Variants in AUTS2 observed in about 807,000 individuals in gnomAD.
AUTS2 encodes autism susceptibility gene 2 protein.
In AUTS2, 17 loss-of-function variants were observed where a neutral mutation model predicts 112.4. The observed-to-expected ratio is 0.15, with a 90% CI of 0.10 to 0.23. The LOEUF (loss-of-function observed/expected upper bound fraction) is 0.23. Among genes scored for constraint, AUTS2 ranks in the 10% least tolerant of loss-of-function variants. The pLI, the probability that AUTS2 is intolerant of heterozygous loss-of-function variation, is 1.00. For missense variants in AUTS2, 1,510 were observed against 1,701.6 expected (o/e 0.89, Z 1.98); for synonymous variants, 751 against 702.7 (o/e 1.07, Z -1.09).
intron 10 of AUTS2, chr7:70,771,281 A>G (rs367878907): frequency 4.1e-5 from 11 of 265,772 alleles, no homozygotes; most frequent in African/African-American, 2.2e-4. Context: ...TGATTTAACA[A>G]TTAATAATTA....
At chr7:70,430,360 TTAA>T (rs1422978204) in intron 4 of AUTS2, among the ~76,000 whole-genome samples, 1 of 152,210 alleles carries the variant, frequency 6.6e-6, no homozygotes, top group Non-Finnish European at 1.5e-5. Flanking sequence ...CAACGGAAGC[TTAA>T]TAATACTTAA....
intron 14 of AUTS2, among the ~76,000 whole-genome samples, chr7:70,780,392 T>C (rs1272036300): frequency 6.6e-6 from 1 of 151,118 alleles, no homozygotes; most frequent in East Asian, 1.9e-4. Context: ...GTGATTTCTG[T>C]CCATGATAAG....
chr7:70,386,464 C>G (rs909095028), intron 4 of AUTS2, among the ~76,000 whole-genome samples: 1 of 152,068 alleles, frequency 6.6e-6, no homozygotes. Context: ...ACAACCATCA[C>G]CACTATCTAA....
At chr7:70,340,660 C>T (rs895377620) in intron 4 of AUTS2, among the ~76,000 whole-genome samples, 17 of 152,178 alleles carry the variant, frequency 1.1e-4, no homozygotes, top group Admixed American at 9.2e-4. Context: ...ATCCTCAGTA[C>T]AAAGGTACTT....
intron 1 of AUTS2, among the ~76,000 whole-genome samples, chr7:69,721,447 T>G (rs996016794): frequency 2.0e-5 from 3 of 152,190 alleles, no homozygotes; most frequent in African/African-American, 7.2e-5. Context: ...TTGTTTAATG[T>G]TTCCCCAATT....
intron 2 of AUTS2, among the ~76,000 whole-genome samples, chr7:69,957,343 G>A (rs12698825): frequency 0.36 from 54,761 of 151,546 alleles, 10,435 homozygotes; most frequent in African/African-American, 0.48. Flanking sequence ...ATCTAGTAGG[G>A]AGTCAGACAA....
At chr7:69,676,591 G>C (rs1270720007) in intron 1 of AUTS2, among the ~76,000 whole-genome samples, 1 of 152,178 alleles carries the variant, frequency 6.6e-6, no homozygotes, top group Admixed American at 6.5e-5. Context: ...TTAAATAAGT[G>C]TGACTTAAGT....
intron 5 of AUTS2, among the ~76,000 whole-genome samples, chr7:70,487,991 C>T (rs1438750534): frequency 6.6e-6 from 1 of 152,198 alleles, no homozygotes; most frequent in Non-Finnish European, 1.5e-5. Flanking sequence ...AGAGCATCCT[C>T]AGACCTGGTG....
chr7:69,699,660 T>C (rs1434085914), intron 1 of AUTS2, among the ~76,000 whole-genome samples: 2 of 150,228 alleles, frequency 1.3e-5, no homozygotes, highest in Non-Finnish European at 1.5e-5. Context: ...TTTTTTTTTT[T>C]TCCCGAGACA....
chr7:70,198,282 G>A (rs1326450675), intron 4 of AUTS2, among the ~76,000 whole-genome samples: 74 of 149,754 alleles, frequency 4.9e-4, no homozygotes, highest in African/African-American at 1.7e-3. Flanking sequence ...AACGCAGAGC[G>A]CCTCTCCTCC....
intron 6 of AUTS2, among the ~76,000 whole-genome samples, chr7:70,706,032 T>A (rs1809719597): frequency 6.6e-6 from 1 of 152,160 alleles, no homozygotes; most frequent in Non-Finnish European, 1.5e-5. Flanking sequence ...TATAAAGCAT[T>A]TCCTCGTATA....
At chr7:70,176,703 C>G (rs1176146115) in intron 4 of AUTS2, among the ~76,000 whole-genome samples, 2 of 152,020 alleles carry the variant, frequency 1.3e-5, no homozygotes, top group Non-Finnish European at 2.9e-5. Flanking sequence ...AGGCTTATTC[C>G]TGAAAATCTT....
At chr7:69,913,458 T>G (rs1232233947) in intron 2 of AUTS2, among the ~76,000 whole-genome samples, 1 of 152,178 alleles carries the variant, frequency 6.6e-6, no homozygotes, top group Admixed American at 6.5e-5. Context: ...CATACTCTGT[T>G]TTGAGTTGGA....
chr7:70,137,972 G>A (rs1221007540), intron 4 of AUTS2, among the ~76,000 whole-genome samples: 4 of 152,112 alleles, frequency 2.6e-5, no homozygotes, highest in Admixed American at 1.3e-4. Flanking sequence ...CATAAAACAG[G>A]GTATTCATCC....
intron 5 of AUTS2, among the ~76,000 whole-genome samples, chr7:70,485,998 AAAT>A (rs200452069): frequency 0.16 from 24,685 of 150,956 alleles, 2,135 homozygotes; most frequent in Middle Eastern, 0.21. Context: ...AAAAATAAAT[AAAT>A]AATAAATAAA....
intron 1 of AUTS2, among the ~76,000 whole-genome samples, chr7:69,759,202 T>C (rs1788063090): frequency 6.6e-6 from 1 of 152,132 alleles, no homozygotes; most frequent in Non-Finnish European, 1.5e-5. Flanking sequence ...TGTACTGTGG[T>C]TGAGTATCTC....
At chr7:70,401,934 A>C (rs1562936925) in intron 4 of AUTS2, among the ~76,000 whole-genome samples, 1 of 152,248 alleles carries the variant, frequency 6.6e-6, no homozygotes, top group Non-Finnish European at 1.5e-5. Flanking sequence ...GATGTACCAG[A>C]GACTGACAGG....
chr7:70,227,686 T>C (rs1441986868), intron 4 of AUTS2, among the ~76,000 whole-genome samples: 8 of 152,090 alleles, frequency 5.3e-5, no homozygotes, highest in Non-Finnish European at 1.5e-5. Flanking sequence ...ATGTGATTCA[T>C]TCTCTTAACT....
intron 1 of AUTS2, among the ~76,000 whole-genome samples, chr7:69,796,240 G>T (rs1397626942): frequency 6.6e-6 from 1 of 152,192 alleles, no homozygotes; most frequent in Admixed American, 6.5e-5. Flanking sequence ...GGAAGAGGCT[G>T]GGTGTGGTAA....
Sources: allele counts gnomAD v4.1 joint callset (sites outside exome capture counted in the v4.1 genomes callset), GRCh38; gene constraint gnomAD v4.1.1; transcripts MANE v1.5; gene names NCBI Gene and HGNC (gene_info 2026-07-23, HGNC 2026-07-21).